The following ADAMTSL1 variants were observed in gnomAD, a reference collection of about 807,000 sequenced individuals.
The protein encoded by ADAMTSL1 is ADAMTS like 1, also known as ADAMTS-like protein 1.
In ADAMTSL1, 126 loss-of-function variants were observed where a neutral mutation model predicts 201.8. The ratio of observed to expected loss-of-function variants is 0.62; its 90% CI spans 0.54 to 0.72. The LOEUF is 0.72. ADAMTSL1 is among the 30% of genes least tolerant of loss of function. ADAMTSL1 has a pLI of 0.00. For synonymous variants in ADAMTSL1, 1,121 were observed against 903.4 expected (o/e 1.24, Z -4.32); for missense variants, 2,679 against 2,277.8 (o/e 1.18, Z -3.59).
chr9:18,676,416 C>G (rs141016997), intron 10 of ADAMTSL1, among the ~76,000 whole-genome samples: 1 of 151,902 alleles, frequency 6.6e-6, no homozygotes, highest in African/African-American at 2.4e-5. Context: ...TTTTAATATT[C>G]TTATTGTTCA....
intron 2 of ADAMTSL1, among the ~76,000 whole-genome samples, chr9:18,384,779 C>T (rs772876319): frequency 4.6e-5 from 7 of 152,116 alleles, no homozygotes; most frequent in Admixed American, 2.6e-4. Context: ...CACCTTAATG[C>T]GGAAATGTTC....
chr9:18,439,395 C>G (rs1442427098), intron 2 of ADAMTSL1, among the ~76,000 whole-genome samples: 1 of 152,258 alleles, frequency 6.6e-6, no homozygotes, highest in African/African-American at 2.4e-5. Flanking sequence ...TGGACGGAGT[C>G]TGGCTCTGCC....
intron 2 of ADAMTSL1, among the ~76,000 whole-genome samples, chr9:18,410,685 T>C (rs935041220): frequency 2.0e-5 from 3 of 152,194 alleles, no homozygotes; most frequent in African/African-American, 7.2e-5. Flanking sequence ...TGAACAAACA[T>C]ATACATGTAT....
intron 1 of ADAMTSL1, among the ~76,000 whole-genome samples, chr9:18,092,760 C>CAA (rs1824083294): frequency 6.6e-6 from 1 of 152,224 alleles, no homozygotes; most frequent in Admixed American, 6.5e-5. Flanking sequence ...TGTTTTCCAT[C>CAA]AAGATTTCAC....
Position 18,887,967 on chromosome 9 carries a change from G to A in ADAMTSL1, c.4386G>A (p.Gly1462=), listed in dbSNP as rs183091987. Residue 1462 remains glycine, a synonymous_variant, in exon 24 of 29, where the codon GGG becomes GGA. Coordinates refer to ENST00000380548, the MANE Select transcript of ADAMTSL1 (RefSeq NM_001040272.6). ...TTCAAGTTGCAAACCTTAGCGGTGG[G>A]TCTCAAGGGGAATTCAGCTGCCTTG... ...QILQVANLSG[G]SQGEFSCLAQ... 2.5e-6 allele frequency: 4 copies of A among 1,613,846 alleles called. No individual in the cohort carries two copies. The highest frequency in any genetic ancestry group is 3.4e-6 in the Non-Finnish European group (4 of 1,179,898).
At chr9:18,710,895 T>C (rs1366202359) in intron 14 of ADAMTSL1, among the ~76,000 whole-genome samples, 1 of 151,988 alleles carries the variant, frequency 6.6e-6, no homozygotes, top group Admixed American at 6.6e-5. Flanking sequence ...TTGTGACCAA[T>C]TCCATATGAT....
intron 2 of ADAMTSL1, among the ~76,000 whole-genome samples, chr9:18,395,207 G>A (rs1212245752): frequency 6.6e-6 from 1 of 152,150 alleles, no homozygotes; most frequent in African/African-American, 2.4e-5. Context: ...AGTAAGATCT[G>A]TAAACTGCCT....
At chr9:18,419,170 A>G (rs1288660748) in intron 2 of ADAMTSL1, among the ~76,000 whole-genome samples, 1 of 152,190 alleles carries the variant, frequency 6.6e-6, no homozygotes, top group South Asian at 2.1e-4. Flanking sequence ...CTCAACCAAA[A>G]CCTTATACCT....
intron 1 of ADAMTSL1, among the ~76,000 whole-genome samples, chr9:18,479,430 C>G (rs1821615660): frequency 6.6e-6 from 1 of 152,148 alleles, no homozygotes; most frequent in African/African-American, 2.4e-5. Flanking sequence ...TATTTTATCT[C>G]ATGAAGTAAT....
At chr9:18,701,762 A>C (rs1270741980) in intron 13 of ADAMTSL1, among the ~76,000 whole-genome samples, 4 of 152,238 alleles carry the variant, frequency 2.6e-5, no homozygotes, top group African/African-American at 9.6e-5. Flanking sequence ...GCATGAAACT[A>C]GTGATAGCAT....
chr9:18,857,346 A>G (rs1826924937), intron 23 of ADAMTSL1, among the ~76,000 whole-genome samples: 1 of 152,186 alleles, frequency 6.6e-6, no homozygotes. Context: ...TTTAGTTGTC[A>G]TGTCCCTTCT....
chr9:18,722,633 A>G (rs1450335367), intron 15 of ADAMTSL1, among the ~76,000 whole-genome samples: 1 of 152,180 alleles, frequency 6.6e-6, no homozygotes, highest in Non-Finnish European at 1.5e-5. Context: ...TCCTCCTCCA[A>G]TCACATGGAG....
chr9:18,505,822 TAGC>T (rs1823092666), intron 2 of ADAMTSL1, among the ~76,000 whole-genome samples: 1 of 152,200 alleles, frequency 6.6e-6, no homozygotes, highest in African/African-American at 2.4e-5. Flanking sequence ...CATAAACAAA[TAGC>T]AGAAAGTGGT....
intron 3 of ADAMTSL1, among the ~76,000 whole-genome samples, chr9:18,563,878 T>G (rs1290170355): frequency 6.6e-6 from 1 of 152,180 alleles, no homozygotes; most frequent in Admixed American, 6.5e-5. Context: ...AGCTCCAGCA[T>G]TTCAGGTCGA....
chr9:18,844,345 C>G (rs529147230), intron 23 of ADAMTSL1, among the ~76,000 whole-genome samples: 1 of 152,194 alleles, frequency 6.6e-6, no homozygotes. Context: ...GGCTGCAGAA[C>G]AGTGGATTTT....
At chr9:18,506,725 A>G (rs915832062) in intron 2 of ADAMTSL1, among the ~76,000 whole-genome samples, 1 of 152,224 alleles carries the variant, frequency 6.6e-6, no homozygotes, top group Non-Finnish European at 1.5e-5. Context: ...TGCTGAAATT[A>G]TAAACATATA....
chr9:18,354,030 C>T (rs1836094423), intron 2 of ADAMTSL1, among the ~76,000 whole-genome samples: 1 of 133,282 alleles, frequency 7.5e-6, no homozygotes, highest in African/African-American at 2.7e-5. Flanking sequence ...GTATATAGTT[C>T]CAGAATTTTT....
intron 9 of ADAMTSL1, among the ~76,000 whole-genome samples, chr9:18,672,370 CTAATTGTTG>C (rs1304645096): frequency 1.3e-5 from 2 of 151,948 alleles, no homozygotes; most frequent in Non-Finnish European, 2.9e-5. Context: ...CTTGAATATT[CTAATTGTTG>C]TAATTGTAAA....
chr9:18,801,426 CAGGTAA>C (rs758066409), intron 20 of ADAMTSL1, among the ~76,000 whole-genome samples: 7 of 152,078 alleles, frequency 4.6e-5, no homozygotes, highest in Non-Finnish European at 1.0e-4. Flanking sequence ...GTTTTTTATA[CAGGTAA>C]ACTCATGTCA....
Sources: allele counts gnomAD v4.1 joint callset (sites outside exome capture counted in the v4.1 genomes callset), GRCh38; gene constraint gnomAD v4.1.1; transcripts MANE v1.5; gene names NCBI Gene and HGNC (gene_info 2026-07-23, HGNC 2026-07-21).